Variants in AP3B1 observed in about 807,000 individuals in gnomAD.
AP3B1 encodes the protein adaptor related protein complex 3 subunit beta 1.
AP3B1 carries 61 observed loss-of-function variants against 132.5 expected under a neutral mutation model. The ratio of observed to expected loss-of-function variants is 0.46; its 90% confidence interval spans 0.37 to 0.57. The LOEUF (loss-of-function observed/expected upper bound fraction) is 0.57, where lower values mean the gene tolerates loss of function less well. AP3B1 is among the 20% of genes least tolerant of loss of function. The pLI is 0.00. For missense variants in AP3B1, 1,120 were observed against 1,289.4 expected, an observed-to-expected ratio of 0.87 and a Z score of 2.01; for synonymous variants, 388 against 438.3, an observed-to-expected ratio of 0.89 and a Z score of 1.43.
At position 78,089,402 on chromosome 5, in the gene AP3B1, T is replaced by C. The variant is rs907194349; in HGVS notation, c.2568A>G (p.Ser856=). 6.2e-7 allele frequency: 1 copy of C among 1,608,326 alleles called. No individual in the cohort carries two copies. Among genetic ancestry groups the C allele is most frequent in the Non-Finnish European group, 8.5e-7 (1 of 1,174,952 alleles). Residue 856 remains serine, a synonymous_variant, in exon 22 of 27, where the codon TCA becomes TCG. Coordinates refer to ENST00000255194, the MANE Select transcript of AP3B1 (RefSeq NM_003664.5). ...TTTAAAAATAACTTACACTGATGAC[T>C]GAAGAGGAAGTTGACAAGTGTAAAC... ...LEGLHLSTSS[S]VISVSTPAFV... is the part of the protein sequence containing the mutation.
At chr5:78,023,005 T>C (rs1304384184) in intron 24 of AP3B1, among the ~76,000 whole-genome samples, 2 of 152,142 alleles carry the variant, frequency 1.3e-5, no homozygotes, top group Non-Finnish European at 2.9e-5. Context: ...TCCACATTTA[T>C]TCCACTATAA....
At chr5:78,124,916 A>G (rs1293825248) in intron 17 of AP3B1, among the ~76,000 whole-genome samples, 1 of 152,188 alleles carries the variant, frequency 6.6e-6, no homozygotes, top group Non-Finnish European at 1.5e-5. Context: ...TTTTCTTGAC[A>G]TGGCCATGAA....
intron 20 of AP3B1, among the ~76,000 whole-genome samples, chr5:78,102,094 CA>C (rs1751154957): frequency 6.6e-6 from 1 of 151,776 alleles, no homozygotes; most frequent in Non-Finnish European, 1.5e-5. Flanking sequence ...TATAATTTAC[CA>C]AAAGTCTATA....
chr5:78,081,427 C>A (rs1379067212), intron 22 of AP3B1, among the ~76,000 whole-genome samples: 1 of 151,500 alleles, frequency 6.6e-6, no homozygotes, highest in Non-Finnish European at 1.5e-5. Flanking sequence ...CCTGCCTCAG[C>A]CTCCCGAGTA....
At chr5:78,024,539 G>A (rs1475381945) in intron 24 of AP3B1, among the ~76,000 whole-genome samples, 1 of 149,162 alleles carries the variant, frequency 6.7e-6, no homozygotes, top group Non-Finnish European at 1.5e-5. Context: ...ACAGGCACAT[G>A]CCACCATGCC....
chr5:78,086,932 A>C (rs1447732953), intron 22 of AP3B1, among the ~76,000 whole-genome samples: 3 of 152,148 alleles, frequency 2.0e-5, no homozygotes, highest in African/African-American at 7.2e-5. Context: ...AGTGTTTGGA[A>C]AATTATGTCA....
At chr5:78,004,305 T>C (rs1008763252) in intron 26 of AP3B1, among the ~76,000 whole-genome samples, 2 of 152,120 alleles carry the variant, frequency 1.3e-5, no homozygotes, top group Admixed American at 6.5e-5. Flanking sequence ...GTCTGACAAT[T>C]AGCATGGGCC....
At chr5:78,175,738 A>G in intron 10 of AP3B1, 41 bp from the exon 11 acceptor site, 1 of 1,607,156 alleles carries the variant, frequency 6.2e-7, no homozygotes, top group Non-Finnish European at 8.5e-7. Flanking sequence ...TTATGGTACT[A>G]ATGTGTTCAT....
intron 22 of AP3B1, among the ~76,000 whole-genome samples, chr5:78,082,424 G>C (rs1268038984): frequency 1.3e-5 from 2 of 152,030 alleles, no homozygotes; most frequent in African/African-American, 4.8e-5. Context: ...TTTGCCATTG[G>C]ACTAGATTTC....
intron 26 of AP3B1, among the ~76,000 whole-genome samples, chr5:78,010,928 T>C (rs1746594243): frequency 6.6e-6 from 1 of 152,144 alleles, no homozygotes; most frequent in Non-Finnish European, 1.5e-5. Flanking sequence ...ACATATTTAA[T>C]AAATGCTTTT....
At chr5:78,020,438 C>T (rs1057097378) in intron 25 of AP3B1, among the ~76,000 whole-genome samples, 1 of 152,038 alleles carries the variant, frequency 6.6e-6, no homozygotes, top group Non-Finnish European at 1.5e-5. Context: ...AGCAACAACT[C>T]TCAGCATTGA....
intron 7 of AP3B1, among the ~76,000 whole-genome samples, chr5:78,182,038 T>C (rs564392607): frequency 6.6e-5 from 10 of 152,206 alleles, no homozygotes; most frequent in African/African-American, 2.4e-4. Context: ...ACTCTGTAAC[T>C]AGATCAAAGA....
chr5:78,046,651 T>C (rs957474628), intron 22 of AP3B1, among the ~76,000 whole-genome samples: 1 of 152,104 alleles, frequency 6.6e-6, no homozygotes, highest in Non-Finnish European at 1.5e-5. Context: ...AATCTCCCTC[T>C]GGGGCAAAGG....
At chr5:78,230,751 T>G (rs1746612001) in intron 3 of AP3B1, among the ~76,000 whole-genome samples, 1 of 152,138 alleles carries the variant, frequency 6.6e-6, no homozygotes, top group Admixed American at 6.5e-5. Flanking sequence ...AGTAAACAAA[T>G]GACAGTTCCT....
intron 17 of AP3B1, among the ~76,000 whole-genome samples, chr5:78,118,167 A>T (rs1444650009): frequency 1.3e-5 from 2 of 152,154 alleles, no homozygotes; most frequent in African/African-American, 2.4e-5. Flanking sequence ...TGCACATTTG[A>T]CCTAGTTTTG....
intron 24 of AP3B1, among the ~76,000 whole-genome samples, chr5:78,023,790 T>C (rs1160564810): frequency 2.6e-5 from 4 of 152,268 alleles, no homozygotes; most frequent in African/African-American, 9.6e-5. Context: ...GCTGTTCAGA[T>C]TGCAGGAAGA....
chr5:78,014,458 C>T (rs1035206485), intron 26 of AP3B1, among the ~76,000 whole-genome samples: 17 of 152,148 alleles, frequency 1.1e-4, no homozygotes, highest in Admixed American at 9.2e-4. Flanking sequence ...GTTATAACTT[C>T]CCCAAGATTA....
rs557321565 is a variant in AP3B1, at chr5:78,113,068, G to C, written c.2249+684C>G. Among the ~76,000 whole-genome samples the C allele has an allele frequency of 2.3e-3, 347 of 152,316 alleles. 2 individuals are homozygous for C. The highest frequency in any genetic ancestry group is 8.9e-3 in the South Asian group (43 of 4,828). ...ATAAAAGGAGCAGAGAGCGTACTGC[G>C]CCCCAATCAGTGCTGTCAGCCACGA... is the stretch of plus-strand genomic sequence containing the variant. On this transcript the variant is annotated intron_variant, in intron 19 of 26. Transcript: ENST00000255194.
intron 17 of AP3B1, among the ~76,000 whole-genome samples, chr5:78,118,344 C>T (rs947205596): frequency 3.9e-5 from 6 of 152,126 alleles, no homozygotes; most frequent in African/African-American, 7.2e-5. Context: ...GTGGGTGCAG[C>T]GCACTGTGCG....
Sources: gnomAD v4.1 joint callset for allele counts (sites outside exome capture counted in the v4.1 genomes callset) on GRCh38, gnomAD v4.1.1 for gene constraint, MANE v1.5 for transcripts, NCBI Gene and HGNC (gene_info 2026-07-23, HGNC 2026-07-21) for gene names.